The following CAMK2D variants were observed in gnomAD, a reference collection of about 807,000 sequenced individuals.
The protein encoded by CAMK2D is calcium/calmodulin dependent protein kinase II delta.
Under a neutral mutation model 84.0 loss-of-function variants are expected in CAMK2D, and 37 were observed. That is an observed-to-expected ratio of 0.44 (90% CI 0.34 to 0.58). The LOEUF is 0.58. Ranked by LOEUF, CAMK2D falls within the 20% of genes least tolerant of loss-of-function variation. The pLI is 0.02. For synonymous variants in CAMK2D, 202 were observed against 212.5 expected (o/e 0.95, Z 0.43); for missense variants, 448 against 652.5 (o/e 0.69, Z 3.41).
At chr4:113,465,401 A>G (rs934017667) in intron 17 of CAMK2D, 128 bp downstream of exon 17, 1 of 623,796 alleles carries the variant, frequency 1.6e-6, no homozygotes, top group Non-Finnish European at 2.8e-6. Flanking sequence ...CATTTATGAA[A>G]TAAAACTATT....
At chr4:113,544,002 G>A (rs960705666) in intron 6 of CAMK2D, among the ~76,000 whole-genome samples, 18 of 151,852 alleles carry the variant, frequency 1.2e-4, no homozygotes, top group African/African-American at 3.1e-4. Context: ...CATGTTAGCC[G>A]GGATGGTCTC....
At chr4:113,736,892 C>T (rs920879791) in intron 2 of CAMK2D, among the ~76,000 whole-genome samples, 1 of 152,152 alleles carries the variant, frequency 6.6e-6, no homozygotes, top group Admixed American at 6.5e-5. Context: ...GAGTTTAGAA[C>T]TGGCAATGTC....
chr4:113,469,173 C>G (rs977606569), intron 16 of CAMK2D, among the ~76,000 whole-genome samples: 1 of 152,126 alleles, frequency 6.6e-6, no homozygotes, highest in Non-Finnish European at 1.5e-5. Context: ...AAATAAAACC[C>G]AAGAACTGAG....
At chr4:113,459,466 C>T (rs1436094612) in intron 18 of CAMK2D, among the ~76,000 whole-genome samples, 1 of 152,206 alleles carries the variant, frequency 6.6e-6, no homozygotes, top group Non-Finnish European at 1.5e-5. Context: ...CTATCGCTAT[C>T]CTGCCACCTC....
chr4:113,686,509 T>G (rs2099360321), intron 2 of CAMK2D, among the ~76,000 whole-genome samples: 1 of 152,198 alleles, frequency 6.6e-6, no homozygotes, highest in Non-Finnish European at 1.5e-5. Flanking sequence ...AAACATTTCT[T>G]TAGGACCTCT....
intron 3 of CAMK2D, among the ~76,000 whole-genome samples, chr4:113,660,681 G>T (rs1366917207): frequency 6.6e-6 from 1 of 151,880 alleles, no homozygotes; most frequent in Admixed American, 6.6e-5. Flanking sequence ...GTAAACCACC[G>T]CACCTGGCCT....
chr4:113,550,638 T>C (rs2098620048), intron 5 of CAMK2D, among the ~76,000 whole-genome samples: 1 of 152,184 alleles, frequency 6.6e-6, no homozygotes, highest in Non-Finnish European at 1.5e-5. Context: ...TAACATAACT[T>C]TGAAGGGTAA....
At chr4:113,651,422 T>C (rs550237104) in intron 3 of CAMK2D, among the ~76,000 whole-genome samples, 1 of 152,290 alleles carries the variant, frequency 6.6e-6, no homozygotes, top group Non-Finnish European at 1.5e-5. Context: ...CCTTTTCTAC[T>C]GTGGCAAATT....
At chr4:113,635,890 A>T (rs533970549) in intron 3 of CAMK2D, among the ~76,000 whole-genome samples, 38 of 152,364 alleles carry the variant, frequency 2.5e-4, no homozygotes, top group African/African-American at 8.4e-4. Context: ...TGCTGACAGG[A>T]GCTGTACAGC....
intron 2 of CAMK2D, among the ~76,000 whole-genome samples, chr4:113,732,626 G>C (rs1225568057): frequency 6.6e-6 from 1 of 152,102 alleles, no homozygotes; most frequent in Non-Finnish European, 1.5e-5. Context: ...ATGAATTCAA[G>C]ACCTCTAGGA....
intron 20 of CAMK2D, among the ~76,000 whole-genome samples, chr4:113,455,327 C>T (rs1270716780): frequency 1.3e-5 from 2 of 152,168 alleles, no homozygotes; most frequent in African/African-American, 4.8e-5. Flanking sequence ...CCATAGCCAG[C>T]TGCTTACAGA....
intron 16 of CAMK2D, among the ~76,000 whole-genome samples, chr4:113,493,096 A>G (rs1408303361): frequency 6.9e-6 from 1 of 143,924 alleles, no homozygotes; most frequent in African/African-American, 2.6e-5. Flanking sequence ...CTCTTTATCC[A>G]ATTTGCCAGT....
At chr4:113,583,653 T>C (rs1465078400) in intron 4 of CAMK2D, among the ~76,000 whole-genome samples, 3 of 152,224 alleles carry the variant, frequency 2.0e-5, no homozygotes, top group African/African-American at 7.2e-5. Flanking sequence ...AAAGCACTTA[T>C]GGTTTGAAAT....
chr4:113,703,347 G>A (rs536724900), intron 2 of CAMK2D, among the ~76,000 whole-genome samples: 1 of 152,200 alleles, frequency 6.6e-6, no homozygotes, highest in African/African-American at 2.4e-5. Context: ...TTAAGACAGG[G>A]TCTTGCTCTG....
intron 2 of CAMK2D, among the ~76,000 whole-genome samples, chr4:113,738,232 G>GA (rs919196237): frequency 8.8e-5 from 13 of 148,412 alleles, no homozygotes; most frequent in Non-Finnish European, 1.9e-4. Flanking sequence ...ACTACTGTGA[G>GA]AAAAAACTAA....
chr4:113,604,368 CTT>C (rs138377724), intron 4 of CAMK2D, among the ~76,000 whole-genome samples: 4,325 of 152,188 alleles, frequency 0.028, 87 homozygotes, highest in Non-Finnish European at 0.041. Flanking sequence ...AAATTAGACA[CTT>C]ATATCTGTTA....
chr4:113,503,332 A>C, intron 14 of CAMK2D: 2 of 541,368 alleles, frequency 3.7e-6, no homozygotes, highest in Non-Finnish European at 7.2e-6. Flanking sequence ...TGTCCCATAG[A>C]GAACTGGCCA....
intron 11 of CAMK2D, 82 bp from the exon 12 acceptor site, chr4:113,513,452 A>C: frequency 1.1e-6 from 1 of 898,450 alleles, no homozygotes; most frequent in Non-Finnish European, 1.8e-6. Context: ...TTGATAACAA[A>C]TCTTTTCCTG....
intron 2 of CAMK2D, among the ~76,000 whole-genome samples, chr4:113,721,174 G>A (rs1212138772): frequency 6.6e-6 from 1 of 152,004 alleles, no homozygotes; most frequent in Admixed American, 6.6e-5. Flanking sequence ...AATCATCTGC[G>A]GTAGGCTGTG....
Sources: allele counts gnomAD v4.1 joint callset (sites outside exome capture counted in the v4.1 genomes callset), GRCh38; gene constraint gnomAD v4.1.1; transcripts MANE v1.5; gene names NCBI Gene and HGNC (gene_info 2026-07-23, HGNC 2026-07-21).